The following CYYR1 variants were observed in gnomAD, a reference collection of about 807,000 sequenced individuals.
CYYR1 encodes the protein cysteine and tyrosine rich 1.
In CYYR1, 14 loss-of-function variants were observed where a neutral mutation model predicts 15.2. That is an observed-to-expected ratio of 0.92 (90% confidence interval 0.61 to 1.44). CYYR1 has a LOEUF of 1.44. Ranked by LOEUF, CYYR1 falls within the 40% of genes most tolerant of loss-of-function variation. CYYR1 has a pLI of 0.00. For missense variants in CYYR1, 228 were observed against 209.5 expected, an observed-to-expected ratio of 1.09 and a Z score of -0.54; for synonymous variants, 80 against 77.4, an observed-to-expected ratio of 1.03 and a Z score of -0.18.
chr21:26,475,669 C>A (rs2065093214), intron 3 of CYYR1, among the ~76,000 whole-genome samples: 1 of 152,138 alleles, frequency 6.6e-6, no homozygotes, highest in Admixed American at 6.6e-5. Flanking sequence ...CATTTTATAG[C>A]AAAATTTTGT....
At chr21:26,491,510 C>T (rs143776660) in intron 2 of CYYR1, among the ~76,000 whole-genome samples, 121 of 152,184 alleles carry the variant, frequency 8.0e-4, no homozygotes, top group African/African-American at 2.8e-3. Context: ...TCCATTGACT[C>T]GAAGATGGAG....
intron 2 of CYYR1, among the ~76,000 whole-genome samples, chr21:26,492,420 T>A (rs944153529): frequency 6.6e-6 from 1 of 152,048 alleles, no homozygotes; most frequent in Non-Finnish European, 1.5e-5. Flanking sequence ...ATAGAGGTGC[T>A]CAGTTTAGTA....
intron 2 of CYYR1, among the ~76,000 whole-genome samples, chr21:26,544,756 A>G (rs1359822028): frequency 6.6e-6 from 1 of 152,150 alleles, no homozygotes; most frequent in Non-Finnish European, 1.5e-5. Context: ...CTATCTCTAT[A>G]TTTTTGAATT....
chr21:26,483,625 C>T (rs2065213273), intron 2 of CYYR1, among the ~76,000 whole-genome samples: 2 of 152,110 alleles, frequency 1.3e-5, no homozygotes, highest in Admixed American at 1.3e-4. Context: ...GAATTGTACT[C>T]ATAAGGATAT....
intron 2 of CYYR1, among the ~76,000 whole-genome samples, chr21:26,530,645 A>G (rs2065920006): frequency 6.6e-6 from 1 of 151,598 alleles, no homozygotes; most frequent in African/African-American, 2.4e-5. Context: ...CCGGTGTGTG[A>G]TGTTCCCCTC....
chr21:26,553,688 T>G (rs1601824781), intron 2 of CYYR1, among the ~76,000 whole-genome samples: 1 of 152,144 alleles, frequency 6.6e-6, no homozygotes, highest in Non-Finnish European at 1.5e-5. Flanking sequence ...AGCTGCTTCG[T>G]GCATTCTGTC....
Position 26,466,518 on chromosome 21 carries a change from G to A in CYYR1, c.*1983C>T, listed in dbSNP as rs1355104598. 6.6e-6 allele frequency: 1 copy of A among 152,116 alleles called. No homozygotes were observed. Among genetic ancestry groups the A allele is most frequent in the Non-Finnish European group, 1.5e-5 (1 of 68,012 alleles). 9.4% of individuals were successfully genotyped at this position (152,116 alleles called of 1,614,324 possible). A position where few individuals can be genotyped will look rare whatever the true frequency, so the allele number is the denominator to read the frequency against. ...AAGAAGAGATGGTGTGGACTGAACT[G>A]GCTTCTATTTGGGGAAAATTTGCAG... On this transcript the variant is annotated 3_prime_UTR_variant, in exon 4 of 4. Coordinates refer to ENST00000652641, the MANE Select transcript of CYYR1 (RefSeq NM_001320768.2).
intron 2 of CYYR1, among the ~76,000 whole-genome samples, chr21:26,524,884 T>G (rs145997853): frequency 6.0e-4 from 92 of 152,304 alleles, no homozygotes; most frequent in African/African-American, 2.2e-3. Flanking sequence ...GACTGAGAAA[T>G]GTCAATGTCA....
Position 26,490,676 on chromosome 21 carries a change from C to A in CYYR1, c.177-10247G>T, listed in dbSNP as rs532081229. Among the ~76,000 whole-genome samples the A allele has an allele frequency of 7.9e-5, 12 of 152,162 alleles. No homozygotes were observed. In the South Asian group the frequency reaches 2.5e-3, roughly 32 times the overall value. On this transcript the variant is annotated intron_variant, in intron 2 of 3. Transcript: ENST00000652641. ...TCACGTGTTTTGAAGGTAAGAAAAC[C>A]AAATATGTGAGGACCTAAAATAAAA...
intron 1 of CYYR1, chr21:26,567,879 A>C (rs1286089619): frequency 6.6e-6 from 1 of 152,222 alleles, no homozygotes; most frequent in Non-Finnish European, 1.5e-5. Context: ...AGTCACCATT[A>C]ACAATTATGC....
intron 2 of CYYR1, chr21:26,564,702 C>T: frequency 1.7e-6 from 2 of 1,165,104 alleles, no homozygotes; most frequent in African/African-American, 3.2e-5. Flanking sequence ...GCACACAGCA[C>T]ACTCCATGAT....
intron 2 of CYYR1, among the ~76,000 whole-genome samples, chr21:26,546,173 T>C (rs1978964965): frequency 6.6e-6 from 1 of 152,252 alleles, no homozygotes; most frequent in African/African-American, 2.4e-5. Context: ...AAAAACTATT[T>C]TAGTCTCACA....
At chr21:26,558,249 C>A (rs2043922191) in intron 2 of CYYR1, among the ~76,000 whole-genome samples, 1 of 152,086 alleles carries the variant, frequency 6.6e-6, no homozygotes, top group Non-Finnish European at 1.5e-5. Flanking sequence ...TTTTTAATTA[C>A]AAGAATTTTC....
chr21:26,572,418 T>C (rs1981064083), intron 1 of CYYR1, among the ~76,000 whole-genome samples: 1 of 152,200 alleles, frequency 6.6e-6, no homozygotes, highest in Non-Finnish European at 1.5e-5. Context: ...TTGACTTCAG[T>C]CCAATAGCTC....
chr21:26,471,322 A>T (rs1339373552), intron 3 of CYYR1: 1 of 152,238 alleles, frequency 6.6e-6, no homozygotes, highest in Non-Finnish European at 1.5e-5. Context: ...CTGATTCTGC[A>T]GATTGACTCT....
chr21:26,566,819 G>A (rs1238693889), intron 1 of CYYR1, among the ~76,000 whole-genome samples: 1 of 152,064 alleles, frequency 6.6e-6, no homozygotes, highest in Non-Finnish European at 1.5e-5. Flanking sequence ...GACCAGCCTG[G>A]CCAACATGAT....
chr21:26,561,470 C>A (rs1312552683), intron 2 of CYYR1, among the ~76,000 whole-genome samples: 2 of 152,184 alleles, frequency 1.3e-5, no homozygotes, highest in Non-Finnish European at 2.9e-5. Context: ...TCTTTTAACT[C>A]AGTTTTGCTT....
At chr21:26,568,574 C>A (rs894975831) in intron 1 of CYYR1, 2 of 152,056 alleles carry the variant, frequency 1.3e-5, no homozygotes, top group African/African-American at 2.4e-5. Context: ...TAACTAAGTC[C>A]TCAATAGCAA....
intron 2 of CYYR1, among the ~76,000 whole-genome samples, chr21:26,563,229 C>T (rs1441811074): frequency 1.3e-5 from 2 of 151,642 alleles, no homozygotes; most frequent in African/African-American, 4.8e-5. Flanking sequence ...AAAAGGGCAC[C>T]TGAATTTATT....
Sources: allele counts gnomAD v4.1 joint callset (sites outside exome capture counted in the v4.1 genomes callset), GRCh38; gene constraint gnomAD v4.1.1; transcripts MANE v1.5; gene names NCBI Gene and HGNC (gene_info 2026-07-23, HGNC 2026-07-21).